FER: variants seen among roughly 807,000 people sequenced by gnomAD.
FER encodes FER tyrosine kinase.
In FER, 63 loss-of-function variants were observed where a neutral mutation model predicts 111.0. That is an observed-to-expected ratio of 0.57 (90% CI 0.46 to 0.70). The LOEUF (loss-of-function observed/expected upper bound fraction) is 0.70. FER is among the 30% of genes least tolerant of loss of function. The pLI is 0.00. For synonymous variants in FER, 327 were observed against 313.9 expected (o/e 1.04, Z -0.44); for missense variants, 914 against 954.0 (o/e 0.96, Z 0.55).
chr5:108,786,795 C>T (rs542481527), intron 2 of FER, among the ~76,000 whole-genome samples: 144 of 152,280 alleles, frequency 9.5e-4, no homozygotes, highest in Non-Finnish European at 1.6e-3. Context: ...CCACCGTGCC[C>T]GGCCAAATTT....
chr5:108,944,142 A>C (rs7711878), intron 10 of FER, among the ~76,000 whole-genome samples: 6 of 137,886 alleles, frequency 4.4e-5, no homozygotes, highest in African/African-American at 1.1e-4. Context: ...CACACACACA[A>C]ACACACACAC....
At chr5:108,985,002 C>A (rs1301861375) in intron 13 of FER, among the ~76,000 whole-genome samples, 2 of 151,934 alleles carry the variant, frequency 1.3e-5, no homozygotes, top group Non-Finnish European at 2.9e-5. Context: ...TTTTGAGTAT[C>A]TAATAATATT....
chr5:108,876,654 C>T (rs1765119209), intron 8 of FER, among the ~76,000 whole-genome samples: 1 of 152,154 alleles, frequency 6.6e-6, no homozygotes, highest in Non-Finnish European at 1.5e-5. Context: ...ACCATGCCTG[C>T]TAAGCACTGA....
chr5:108,809,343 A>G (rs192310525), intron 3 of FER, among the ~76,000 whole-genome samples: 1 of 152,146 alleles, frequency 6.6e-6, no homozygotes, highest in Non-Finnish European at 1.5e-5. Context: ...GAAGACATGT[A>G]TTTAGGCTCT....
At chr5:108,999,520 G>T (rs1432052278) in intron 13 of FER, among the ~76,000 whole-genome samples, 1 of 152,048 alleles carries the variant, frequency 6.6e-6, no homozygotes, top group Non-Finnish European at 1.5e-5. Flanking sequence ...TTCTAGAGAT[G>T]TGACGTATGT....
chr5:109,059,111 A>G (rs1774042801), intron 16 of FER, among the ~76,000 whole-genome samples: 1 of 151,868 alleles, frequency 6.6e-6, no homozygotes, highest in East Asian at 1.9e-4. Flanking sequence ...CTCTCAATAT[A>G]TTGCTGTTTA....
In FER at chr5:109,075,482, G is replaced by T. The variant is rs189495682; in HGVS notation, c.1925-24914G>T. On this transcript the variant is annotated intron_variant, in intron 16 of 19. Transcript: ENST00000281092. ...TCTCGCTCTGTCACCCGGGCTGGAG[G>T]GCGCAATCTCGACTCACTGCAAGCT... Among the ~76,000 whole-genome samples, 9 of 150,054 alleles carry T rather than the reference G, an allele frequency of 6.0e-5. No individual in the cohort carries two copies. In the East Asian group the frequency reaches 1.8e-3, roughly 29 times the overall value.
intron 13 of FER, among the ~76,000 whole-genome samples, chr5:108,999,255 C>T (rs928954515): frequency 1.3e-5 from 2 of 152,056 alleles, no homozygotes; most frequent in Non-Finnish European, 2.9e-5. Context: ...GCATGTTTAT[C>T]ATTTGTTACG....
intron 2 of FER, among the ~76,000 whole-genome samples, chr5:108,778,570 C>G (rs1753736196): frequency 1.3e-5 from 2 of 152,108 alleles, no homozygotes. Flanking sequence ...TGTGCATTTC[C>G]TAGAAATCAT....
At chr5:108,794,211 C>CTT (rs1051893886) in intron 2 of FER, among the ~76,000 whole-genome samples, 1 of 143,672 alleles carries the variant, frequency 7.0e-6, no homozygotes, top group Non-Finnish European at 1.5e-5. Context: ...TTAGCATTTC[C>CTT]TTTTTTTTTT....
chr5:108,780,160 T>C (rs1753897876), intron 2 of FER, among the ~76,000 whole-genome samples: 1 of 152,178 alleles, frequency 6.6e-6, no homozygotes, highest in Non-Finnish European at 1.5e-5. Context: ...AAATGTTCTT[T>C]AAATCTTACC....
At chr5:109,105,631 CA>C (rs1748823913) in intron 17 of FER, among the ~76,000 whole-genome samples, 1 of 152,160 alleles carries the variant, frequency 6.6e-6, no homozygotes, top group East Asian at 1.9e-4. Context: ...AAAGGAAGGT[CA>C]CCTAAACAAT....
intron 13 of FER, among the ~76,000 whole-genome samples, chr5:108,976,733 C>A (rs56121551): frequency 0.17 from 26,102 of 152,100 alleles, 3,327 homozygotes; most frequent in African/African-American, 0.36. Flanking sequence ...GGAAGAGATA[C>A]TACATTTATA....
At chr5:109,045,269 A>T (rs540861117) in intron 15 of FER, among the ~76,000 whole-genome samples, 1 of 146,674 alleles carries the variant, frequency 6.8e-6, no homozygotes, top group Non-Finnish European at 1.5e-5. Flanking sequence ...ACATTTAAGT[A>T]TATACATTTA....
At chr5:108,754,785 G>GA (rs1182959637) in intron 1 of FER, among the ~76,000 whole-genome samples, 2 of 152,192 alleles carry the variant, frequency 1.3e-5, no homozygotes, top group Non-Finnish European at 2.9e-5. Flanking sequence ...GGTTTTAAGA[G>GA]AAGTGGAAAC....
intron 16 of FER, among the ~76,000 whole-genome samples, chr5:109,050,923 A>G (rs931516121): frequency 2.0e-5 from 3 of 152,172 alleles, no homozygotes; most frequent in African/African-American, 7.2e-5. Context: ...GGCCAGAATT[A>G]TTTCAGTTTC....
intron 13 of FER, among the ~76,000 whole-genome samples, chr5:108,973,569 C>G (rs1260898979): frequency 6.6e-6 from 1 of 151,944 alleles, no homozygotes; most frequent in Non-Finnish European, 1.5e-5. Context: ...CAGGAATACC[C>G]ATAGAGAGAA....
intron 3 of FER, among the ~76,000 whole-genome samples, chr5:108,807,372 A>G (rs1172821394): frequency 6.6e-6 from 1 of 152,138 alleles, no homozygotes; most frequent in East Asian, 1.9e-4. Flanking sequence ...GTTTCCAGGA[A>G]TTTGTCCATT....
chr5:108,969,616 T>TTTTTTTTTTTTTTTTTTTTTTTTTTA (rs1561695264), intron 13 of FER, among the ~76,000 whole-genome samples: 1 of 149,050 alleles, frequency 6.7e-6, no homozygotes, highest in African/African-American at 2.6e-5. Context: ...TTAATTTTTT[T>TTTTTTTTTTTTTTTTTTTTTTTTTTA]GAACACTGTG....
Sources: allele counts gnomAD v4.1 joint callset (sites outside exome capture counted in the v4.1 genomes callset), GRCh38; gene constraint gnomAD v4.1.1; transcripts MANE v1.5; gene names NCBI Gene and HGNC (gene_info 2026-07-23, HGNC 2026-07-21).